The following USP6 variants were observed in gnomAD, a reference collection of about 807,000 sequenced individuals.
USP6 encodes the protein ubiquitin specific peptidase 6.
A neutral mutation model predicts 175.7 loss-of-function variants in USP6; 128 were observed. The ratio of observed to expected loss-of-function variants is 0.73; its 90% CI spans 0.63 to 0.84. The LOEUF (loss-of-function observed/expected upper bound fraction) is 0.84. Ranked by LOEUF, USP6 falls within the 40% of genes least tolerant of loss-of-function variation. The probability of loss-of-function intolerance (pLI) is 0.00; values close to 1 mark genes in which losing one functional copy is unlikely to be tolerated. For missense variants in USP6, 1,498 were observed against 1,760.3 expected, an observed-to-expected ratio of 0.85 and a Z score of 2.67; for synonymous variants, 562 against 630.6, an observed-to-expected ratio of 0.89 and a Z score of 1.63.
intron 30 of USP6, among the ~76,000 whole-genome samples, chr17:5,152,099 G>A (rs1214748252): frequency 6.6e-6 from 1 of 151,992 alleles, no homozygotes; most frequent in Non-Finnish European, 1.5e-5. Context: ...AAAATTAACT[G>A]GGCATGGTGG....
At chr17:5,137,798 C>A (rs775144869) in intron 20 of USP6, 48 bp downstream of exon 20, 25 of 1,600,238 alleles carry the variant, frequency 1.6e-5, no homozygotes, top group Non-Finnish European at 2.1e-5. Context: ...TGCAGTCAGA[C>A]CCCGACTGGC....
rs1598117213 is a variant in USP6, at chr17:5,173,562, C to T, written c.*584C>T. The T allele has an allele frequency of 4.6e-6, 1 of 218,406 alleles. No homozygotes were observed. The highest frequency in any genetic ancestry group is 9.2e-6 in the Non-Finnish European group (1 of 108,526). The allele number at this position is 218,406 out of a possible 1,614,324, so 13.5% of individuals were successfully genotyped here. A position where few individuals can be genotyped will look rare whatever the true frequency, so the allele number is the denominator to read the frequency against. ...CTTTTTGTTTTTGCCATTGTGTTTA[C>T]GTTTGAGACACAACCAGTCATTGGT... On this transcript the variant is annotated 3_prime_UTR_variant, in exon 38 of 38. Coordinates refer to ENST00000574788, the MANE Select transcript of USP6 (RefSeq NM_001304284.2).
chr17:5,157,974 T>G (rs2073921525), intron 31 of USP6, among the ~76,000 whole-genome samples: 1 of 151,990 alleles, frequency 6.6e-6, no homozygotes, highest in African/African-American at 2.4e-5. Flanking sequence ...GTGGTACCAT[T>G]TAATGGAAAA....
At chr17:5,145,653 C>T in intron 27 of USP6, 74 bp downstream of exon 27, 1 of 1,473,316 alleles carries the variant, frequency 6.8e-7, no homozygotes, top group Non-Finnish European at 9.0e-7. Flanking sequence ...AATTTGTAAG[C>T]ATAGTTATTT....
intron 32 of USP6, 83 bp downstream of exon 32, chr17:5,161,697 GAAGTA>G: frequency 1.4e-6 from 2 of 1,443,478 alleles, no homozygotes; most frequent in Non-Finnish European, 1.9e-6. Context: ...CCAATTTTGA[GAAGTA>G]AATAGTGAAT....
chr17:5,133,914 T>C lies in USP6; in HGVS notation c.412T>C (p.Ser138Pro), dbSNP rs2073164949. The change falls in exon 15 of 38, where the codon TCT (serine) becomes CCT (proline). Residue 138 changes from serine to proline, a missense_variant. Physicochemically the swap from Ser to Pro is moderately conservative, Grantham distance 74 (BLOSUM62 -1). This residue lies in a region of USP6 where 281 missense variants were observed against 259.6 expected (regional missense o/e 1.08). Transcript: ENST00000574788. ...CATGAAGGAGAGGGGCAAGAGGTCA[T>C]CTGAACACATCCACCACATCGACCT... ...QIMKERGKRS[S>P]EHIHHIDLDV... 1.2e-6 allele frequency: 2 copies of C among 1,613,984 alleles called. No homozygotes were observed. Among genetic ancestry groups the C allele is most frequent in the Non-Finnish European group, 1.7e-6 (2 of 1,180,006 alleles).
At chr17:5,152,738 C>G (rs1018027115) in intron 30 of USP6, among the ~76,000 whole-genome samples, 1 of 152,104 alleles carries the variant, frequency 6.6e-6, no homozygotes, top group African/African-American at 2.4e-5. Context: ...GGCTCACACC[C>G]GTAATCTCAG....
intron 30 of USP6, 83 bp from the exon 31 acceptor site, chr17:5,155,339 C>CAATGA: frequency 6.8e-7 from 1 of 1,462,816 alleles, no homozygotes; most frequent in Non-Finnish European, 9.4e-7. Flanking sequence ...GTGATAATGC[C>CAATGA]TATCATTGGC....
intron 27 of USP6, among the ~76,000 whole-genome samples, 171 bp from the exon 28 acceptor site, chr17:5,145,852 C>T (rs534000970): frequency 2.0e-5 from 3 of 152,238 alleles, no homozygotes; most frequent in East Asian, 1.9e-4. Flanking sequence ...ATACTGATTT[C>T]ACTTAATATT....
intron 37 of USP6, among the ~76,000 whole-genome samples, 155 bp from the exon 38 acceptor site, chr17:5,172,650 C>T (rs767669236): frequency 3.3e-5 from 5 of 152,156 alleles, no homozygotes; most frequent in Non-Finnish European, 5.9e-5. Context: ...TAATGGGGCT[C>T]ATTTTAAAGG....
At chr17:5,123,358 C>A (rs967911245) in intron 4 of USP6, among the ~76,000 whole-genome samples, 2 of 151,820 alleles carry the variant, frequency 1.3e-5, no homozygotes, top group African/African-American at 4.8e-5. Context: ...CCGGAGTGAC[C>A]CCGGCCCGGG....
At chr17:5,145,015 T>A in intron 26 of USP6, 152 bp downstream of exon 26, 2 of 1,268,560 alleles carry the variant, frequency 1.6e-6, no homozygotes, top group Non-Finnish European at 2.1e-6. Flanking sequence ...TTAATTGTTA[T>A]GTGATAATGC....
Position 5,125,668 on chromosome 17 carries a change from ACACGCACATG to A in USP6, c.-591-149_-591-140del, listed in dbSNP as rs749496540. 3.3e-3 allele frequency among the ~76,000 whole-genome samples: 435 copies of A among 131,664 alleles called. 1 individual carries two copies. The highest frequency in any genetic ancestry group is 4.3e-3 in the Admixed American group (50 of 11,578). 86.4% of individuals were successfully genotyped at this position (131,664 alleles called of 152,430 possible). A position where few individuals can be genotyped will look rare whatever the true frequency, so the allele number is the denominator to read the frequency against. The stretch of plus-strand genomic sequence containing the variant: ...CCTTGCAACACACAAACACGCACAC[ACACGCACATG>A]CACACACACACACACACACACACAC... On this transcript the variant is annotated intron_variant, in intron 5 of 37. Coordinates refer to ENST00000574788, the MANE Select transcript of USP6 (RefSeq NM_001304284.2).
chr17:5,159,188 G>A (rs761178658), intron 31 of USP6, among the ~76,000 whole-genome samples: 2 of 152,164 alleles, frequency 1.3e-5, no homozygotes, highest in Non-Finnish European at 2.9e-5. Flanking sequence ...GGTTTCTCTT[G>A]GGTGAAAGAA....
Position 5,146,418 on chromosome 17 carries a change from T to G in USP6, c.2319+244T>G, listed in dbSNP as rs534117894. Among the ~76,000 whole-genome samples the G allele has an allele frequency of 7.9e-4, 121 of 152,290 alleles. 1 individual carries two copies. Among genetic ancestry groups the G allele is most frequent in the African/African-American group, 2.8e-3 (117 of 41,582 alleles). On this transcript the variant is annotated intron_variant, in intron 28 of 37. Transcript: ENST00000574788. ...AGGGAAATATGTAAGGCTGCCTATA[T>G]GGAGTGTTTTAGCTGTGTCACTATA...
Position 5,142,399 on chromosome 17 carries a change from C to T in USP6, c.1715C>T (p.Thr572Ile). The change falls in exon 25 of 38, where the codon ACA (threonine) becomes ATA (isoleucine). Residue 572 changes from threonine (T) to isoleucine (I), a missense_variant and splice_region_variant. Physicochemically the swap from Thr to Ile is moderately conservative, Grantham distance 89. Transcript: ENST00000574788. ...AAATTTTCCTCTCAAACTTCTAGGA[C>T]AAATCCCATTGGTATGAAGGGGCAT... ...SGRHLYELNRTNPIGMKGHMA... is the reference protein window; with the variant it reads ...SGRHLYELNRINPIGMKGHMA... The T allele has an allele frequency of 8.1e-6, 13 of 1,612,246 alleles. No individual in the cohort carries two copies. The highest frequency in any genetic ancestry group is 1.1e-5 in the Non-Finnish European group (13 of 1,179,140).
At chr17:5,140,300 C>T (rs980464160) in intron 22 of USP6, among the ~76,000 whole-genome samples, 13 of 152,186 alleles carry the variant, frequency 8.5e-5, no homozygotes, top group African/African-American at 3.1e-4. Flanking sequence ...TGTGGTGGCT[C>T]ACACCTGTAA....
chr17:5,130,151 T>C, intron 9 of USP6, 62 bp downstream of exon 9: 1 of 568,258 alleles, frequency 1.8e-6, no homozygotes, highest in South Asian at 2.0e-5. Context: ...CCCACTCTTC[T>C]CGAGTCCTTG....
At position 5,145,481 on chromosome 17, in the gene USP6, A is replaced by G; in HGVS notation, c.2069A>G (p.Lys690Arg). 1.9e-6 allele frequency: 3 copies of G among 1,613,030 alleles called. No individual in the cohort carries two copies. The highest frequency in any genetic ancestry group is 2.5e-6 in the Non-Finnish European group (3 of 1,179,536). Residue 690 changes from lysine (K) to arginine (R), a missense_variant, in exon 27 of 38, where the codon AAA (lysine) becomes AGA (arginine). By Grantham distance (26) the Lys-to-Arg change is conservative. Around this residue, in one of 2 missense-constraint regions of USP6, gnomAD observed 1,217 missense variants for 1,500.8 expected, o/e 0.81. Transcript: ENST00000574788. ...LFHGQLRSQV[K>R]CKTCGHISVR... ...CATGGGCAGCTAAGATCTCAAGTCA[A>G]ATGCAAGACATGTGGGCATATAAGT...
Sources: gnomAD v4.1 joint callset for allele counts (sites outside exome capture counted in the v4.1 genomes callset) on GRCh38, gnomAD v4.1.1 for gene constraint, gnomAD v4.1.1 regional missense constraint, MANE v1.5 for transcripts, NCBI Gene and HGNC (gene_info 2026-07-23, HGNC 2026-07-21) for gene names.